PPARA: variants seen among roughly 807,000 people sequenced by gnomAD.
PPARA encodes peroxisome proliferator activated receptor alpha, also known as peroxisome proliferator-activated receptor alpha.
In PPARA, 22 loss-of-function variants were observed where a neutral mutation model predicts 42.2. The ratio of observed to expected loss-of-function variants is 0.52; its 90% CI spans 0.37 to 0.74. The LOEUF is 0.74. Ranked by LOEUF, PPARA falls within the 30% of genes least tolerant of loss-of-function variation. The probability of loss-of-function intolerance (pLI) is 0.00; values close to 1 mark genes in which losing one functional copy is unlikely to be tolerated. For synonymous variants in PPARA, 242 were observed against 239.3 expected, an observed-to-expected ratio of 1.01 and a Z score of -0.10; for missense variants, 465 against 608.2, an observed-to-expected ratio of 0.76 and a Z score of 2.48.
At chr22:46,152,698 C>T (rs768888793) in intron 2 of PPARA, among the ~76,000 whole-genome samples, 18 of 152,122 alleles carry the variant, frequency 1.2e-4, no homozygotes, top group Non-Finnish European at 2.5e-4. Flanking sequence ...GCTGAAGAAA[C>T]GGGCCAGATG....
intron 7 of PPARA, among the ~76,000 whole-genome samples, chr22:46,228,722 C>A (rs911017540): frequency 1.1e-4 from 16 of 152,210 alleles, no homozygotes; most frequent in African/African-American, 3.6e-4. Flanking sequence ...TGGAAGACTG[C>A]ACATTTATCA....
chr22:46,196,438 C>T lies in PPARA; in HGVS notation c.-42-1904C>T, dbSNP rs147788191. Among the ~76,000 whole-genome samples the T allele has an allele frequency of 1.7e-3, 253 of 152,346 alleles. 1 individual carries two copies. Among genetic ancestry groups the T allele is most frequent in the Non-Finnish European group, 2.4e-3 (161 of 68,024 alleles). On this transcript the variant is annotated intron_variant, in intron 3 of 8. Coordinates refer to ENST00000407236, the MANE Select transcript of PPARA (RefSeq NM_005036.6). This position sits in a 1 kb window ranked among gnomAD's most constrained non-coding sequence, Gnocchi z 5.6. ...CACACATGCCACCGGCTTGGCCCTGCGCCCCGCAGCCTGAGCCACACTGGC... is the reference window on the plus strand; with the variant it reads ...CACACATGCCACCGGCTTGGCCCTGTGCCCCGCAGCCTGAGCCACACTGGC...
At chr22:46,178,720 G>C (rs1372136890) in intron 3 of PPARA, among the ~76,000 whole-genome samples, 2 of 152,136 alleles carry the variant, frequency 1.3e-5, no homozygotes, top group Non-Finnish European at 2.9e-5. Context: ...CAGTACTTGT[G>C]CCAGCCAGGA....
At chr22:46,178,124 G>A (rs1929438250) in intron 3 of PPARA, among the ~76,000 whole-genome samples, 1 of 152,114 alleles carries the variant, frequency 6.6e-6, no homozygotes, top group Non-Finnish European at 1.5e-5. Flanking sequence ...TAAGGAGGGG[G>A]TAGATTTCAA....
intron 7 of PPARA, among the ~76,000 whole-genome samples, chr22:46,228,190 T>C (rs1243326016): frequency 6.6e-6 from 1 of 152,246 alleles, no homozygotes; most frequent in Non-Finnish European, 1.5e-5. Context: ...AGGCCCAGGC[T>C]TGGGTGTTCA....
At chr22:46,209,464 G>T (rs1933714230) in intron 4 of PPARA, among the ~76,000 whole-genome samples, 1 of 136,324 alleles carries the variant, frequency 7.3e-6, no homozygotes, top group Non-Finnish European at 1.6e-5. Flanking sequence ...TAGGCCACTT[G>T]AAGTTGTCAT....
At position 46,162,448 on chromosome 22, in the gene PPARA, C is replaced by T. The variant is rs73460605; in HGVS notation, c.-127+10478C>T. On this transcript the variant is annotated intron_variant, in intron 2 of 8. Coordinates refer to ENST00000407236, the MANE Select transcript of PPARA (RefSeq NM_005036.6). The surrounding 1 kb of genome is among the most constrained non-coding windows in gnomAD (Gnocchi z 6.0). ...CTCATACCCCGCCGCACCCCTGTGACCTCTACCTTTGAGACCTCAGCTTAA... is the reference window on the plus strand; with the variant it reads ...CTCATACCCCGCCGCACCCCTGTGATCTCTACCTTTGAGACCTCAGCTTAA... Among the ~76,000 whole-genome samples, 931 of 152,310 alleles carry T rather than the reference C, an allele frequency of 6.1e-3. 9 individuals carry two copies. The highest frequency in any genetic ancestry group is 0.021 in the African/African-American group (889 of 41,548).
chr22:46,220,513 TG>T (rs1356215936), intron 7 of PPARA: 1 of 195,456 alleles, frequency 5.1e-6, no homozygotes, highest in Non-Finnish European at 1.1e-5. Context: ...GTTTTGTTTT[TG>T]TTTTTTGGTA....
rs565265878 is a variant in PPARA, at chr22:46,161,838, T to C, written c.-127+9868T>C. Among the ~76,000 whole-genome samples, 2 of 152,280 alleles carry C rather than the reference T, an allele frequency of 1.3e-5. No individual in the cohort carries two copies. Among genetic ancestry groups the C allele is most frequent in the East Asian group, 3.9e-4 (2 of 5,176 alleles). ...CCGCGCTAGCGTTTGGTCCCTGCGC[T>C]TTTCTGGATGCCCCCACCCCCTCTG... On this transcript the variant is annotated intron_variant, in intron 2 of 8. Transcript: ENST00000407236. This position sits in a 1 kb window ranked among gnomAD's most constrained non-coding sequence, Gnocchi z 4.8.
intron 2 of PPARA, chr22:46,176,213 C>T (rs1005477753): frequency 1.3e-5 from 2 of 152,116 alleles, no homozygotes; most frequent in Admixed American, 6.6e-5. Flanking sequence ...GGGCTACGCT[C>T]AGTGGCTCAT....
In PPARA at chr22:46,184,399, G is replaced by T. The variant is rs1163169755; in HGVS notation, c.-43+7563G>T. 6.6e-6 allele frequency among the ~76,000 whole-genome samples: 1 copy of T among 152,160 alleles called. No homozygotes were observed. Among genetic ancestry groups the T allele is most frequent in the African/African-American group, 2.4e-5 (1 of 41,436 alleles). Reference sequence around the variant, plus strand: ...GTCCAGAATCTCAGAGAGAGACACAGTTACCTTTTAGTTACACTAATGGGG... The same window carrying T: ...GTCCAGAATCTCAGAGAGAGACACATTTACCTTTTAGTTACACTAATGGGG... On this transcript the variant is annotated intron_variant, in intron 3 of 8. Transcript: ENST00000407236. This position sits in a 1 kb window ranked among gnomAD's most constrained non-coding sequence, Gnocchi z 4.4.
At position 46,242,164 on chromosome 22, in the gene PPARA, G is replaced by A. The variant is rs1936388859; in HGVS notation, c.*6784G>A. Reference sequence around the variant, plus strand: ...TGCCGTGCAAACTGGTGCACAAACAGGCCCCCAGTCCACGCAGCCTGGCTC... The same window carrying A: ...TGCCGTGCAAACTGGTGCACAAACAAGCCCCCAGTCCACGCAGCCTGGCTC... On this transcript the variant is annotated 3_prime_UTR_variant, in exon 9 of 9. Coordinates refer to ENST00000407236, the MANE Select transcript of PPARA (RefSeq NM_005036.6). This position sits in a 1 kb window ranked among gnomAD's most constrained non-coding sequence, Gnocchi z 6.1. The A allele has an allele frequency of 6.6e-6, 1 of 152,118 alleles. No homozygotes were observed. The highest frequency in any genetic ancestry group is 2.4e-5 in the African/African-American group (1 of 41,394). 9.4% of individuals were successfully genotyped at this position (152,118 alleles called of 1,614,324 possible).
rs1930282717 is a variant in PPARA, at chr22:46,183,705, C to CTT, written c.-43+6869_-43+6870insTT. Among the ~76,000 whole-genome samples, 2 of 152,158 alleles carry CTT rather than the reference C, an allele frequency of 1.3e-5. No homozygotes were observed. Among genetic ancestry groups the CTT allele is most frequent in the Non-Finnish European group, 2.9e-5 (2 of 68,026 alleles). Reference sequence around the variant, plus strand: ...TGCAGTGAGCTGTAATTGCACCATGCACTCCAGCCTGGGTGAAAGAAGGAA... The same window carrying CTT: ...TGCAGTGAGCTGTAATTGCACCATGCTTACTCCAGCCTGGGTGAAAGAAGGAA... On this transcript the variant is annotated intron_variant, in intron 3 of 8. Coordinates refer to ENST00000407236, the MANE Select transcript of PPARA (RefSeq NM_005036.6). The surrounding 1 kb of genome is among the most constrained non-coding windows in gnomAD (Gnocchi z 5.5).
rs539334854 is a variant in PPARA at position 46,230,180 on chromosome 22, T to C, written c.712-1612T>C. ...TGAGGTCAGGAGTGCGACACCAGCCTGACCAACATGGTGTAACCCCGTCTC... is the reference window on the plus strand; with the variant it reads ...TGAGGTCAGGAGTGCGACACCAGCCCGACCAACATGGTGTAACCCCGTCTC... On this transcript the variant is annotated intron_variant, in intron 7 of 8. Transcript: ENST00000407236. This position sits in a 1 kb window ranked among gnomAD's most constrained non-coding sequence, Gnocchi z 5.0. Among the ~76,000 whole-genome samples, 83 of 152,348 alleles carry C rather than the reference T, an allele frequency of 5.4e-4. 3 individuals carry two copies. The South Asian group carries it at 0.017, about 30-fold the overall frequency.
rs1194908709 is a variant in PPARA, at chr22:46,231,405, G to A, written c.712-387G>A. On this transcript the variant is annotated intron_variant, in intron 7 of 8. Transcript: ENST00000407236. The surrounding 1 kb of genome is among the most constrained non-coding windows in gnomAD (Gnocchi z 7.7). ...AGCTAATTTTTTTGTATTTTTAGTA[G>A]AGACGGGGTTTCACCATGCTGGCCA... Among the ~76,000 whole-genome samples the A allele has an allele frequency of 6.6e-6, 1 of 152,006 alleles. No individual in the cohort carries two copies. The highest frequency in any genetic ancestry group is 2.4e-5 in the African/African-American group (1 of 41,382).
rs1417158698 is a variant in PPARA at position 46,183,351 on chromosome 22, G to T, written c.-43+6515G>T. Among the ~76,000 whole-genome samples the T allele has an allele frequency of 6.6e-6, 1 of 152,148 alleles. No individual in the cohort carries two copies. The highest frequency in any genetic ancestry group is 2.4e-5 in the African/African-American group (1 of 41,422). ...TACATTTTCCCTCATCTCTAAACTT[G>T]ACTGAAGACTCCAAGAGAGAGTAAT... On this transcript the variant is annotated intron_variant, in intron 3 of 8. Coordinates refer to ENST00000407236, the MANE Select transcript of PPARA (RefSeq NM_005036.6). This position sits in a 1 kb window ranked among gnomAD's most constrained non-coding sequence, Gnocchi z 5.5.
chr22:46,218,647 A>T (rs1934716702), intron 6 of PPARA, among the ~76,000 whole-genome samples: 1 of 151,798 alleles, frequency 6.6e-6, no homozygotes, highest in South Asian at 2.1e-4. Context: ...CAGCCTGGCC[A>T]ATATGGTGAA....
In PPARA at chr22:46,188,976, C is replaced by T. The variant is rs1213527649; in HGVS notation, c.-42-9366C>T. 6.6e-6 allele frequency among the ~76,000 whole-genome samples: 1 copy of T among 152,218 alleles called. No individual in the cohort carries two copies. Among genetic ancestry groups the T allele is most frequent in the African/African-American group, 2.4e-5 (1 of 41,462 alleles). On this transcript the variant is annotated intron_variant, in intron 3 of 8. Coordinates refer to ENST00000407236, the MANE Select transcript of PPARA (RefSeq NM_005036.6). The surrounding 1 kb of genome is among the most constrained non-coding windows in gnomAD (Gnocchi z 5.0). ...CACTTCAGTTTTGTAACTGGCCAGG[C>T]CACTGCGCCCAGGCTGCTTCCTCGT...
In PPARA at chr22:46,176,751, A is replaced by T. The variant is rs1474682962; in HGVS notation, c.-126-2A>T. The T allele has an allele frequency of 6.6e-6, 1 of 152,324 alleles. No individual in the cohort carries two copies. The highest frequency in any genetic ancestry group is 1.9e-4 in the East Asian group (1 of 5,200). 9.4% of individuals were successfully genotyped at this position (152,324 alleles called of 1,614,324 possible). On this transcript the variant is annotated splice_acceptor_variant, in intron 2 of 8. Coordinates refer to ENST00000407236, the MANE Select transcript of PPARA (RefSeq NM_005036.6). LOFTEE classifies it low-confidence loss of function (5UTR_SPLICE). ...TAAACAACAGAAATTTTTCTCTCAC[A>T]GTTCTGGAGGCTGGGAAGTTCAAGA...
Sources: allele counts gnomAD v4.1 joint callset (sites outside exome capture counted in the v4.1 genomes callset), GRCh38; gene constraint gnomAD v4.1.1; non-coding constraint Gnocchi (gnomAD v3.1); transcripts MANE v1.5; gene names NCBI Gene and HGNC (gene_info 2026-07-23, HGNC 2026-07-21).